The following DCT variants were observed in gnomAD, a reference collection of about 807,000 sequenced individuals.
DCT encodes dopachrome tautomerase.
Under a neutral mutation model 53.0 loss-of-function variants are expected in DCT, and 47 were observed. The observed-to-expected ratio is 0.89, with a 90% CI of 0.70 to 1.13. The LOEUF (loss-of-function observed/expected upper bound fraction) is 1.13, where lower values mean the gene tolerates loss of function less well. DCT is among the 50% of genes most tolerant of loss of function. The probability of loss-of-function intolerance (pLI) is 0.00; values close to 1 mark genes in which losing one functional copy is unlikely to be tolerated. For missense variants in DCT, 669 were observed against 637.4 expected (o/e 1.05, Z -0.53); for synonymous variants, 244 against 237.0 (o/e 1.03, Z -0.27).
chr13:94,532,384 C>T, the DCT span, among the ~76,000 whole-genome samples: 1 of 152,212 alleles, frequency 6.6e-6, no homozygotes. Flanking sequence ...TTGGAACCAA[C>T]TCACATGTCC....
chr13:94,478,839 A>G, intron 1 of DCT, 122 bp downstream of exon 1: 1 of 967,492 alleles, frequency 1.0e-6, no homozygotes, highest in Admixed American at 2.7e-5. Context: ...GACCAAAACC[A>G]TCATTGGTTT....
chr13:94,481,936 T>G (rs540558347), upstream of DCT, among the ~76,000 whole-genome samples: 2 of 152,334 alleles, frequency 1.3e-5, no homozygotes, highest in Admixed American at 1.3e-4. Context: ...AAATCCGAGG[T>G]GCTTTGCATG....
chr13:94,465,253 G>A (rs1456691527), intron 4 of DCT, among the ~76,000 whole-genome samples: 3 of 152,206 alleles, frequency 2.0e-5, no homozygotes, highest in Admixed American at 1.3e-4. Flanking sequence ...CATGGGATAT[G>A]ATTGGTGCTT....
At chr13:94,501,634 C>CAGAG in the DCT span, among the ~76,000 whole-genome samples, 12,880 of 148,646 alleles carry the variant, frequency 0.087, 1,252 homozygotes, top group African/African-American at 0.24. Flanking sequence ...AAGACAGAGA[C>CAGAG]AGAGAGAGAG....
chr13:94,451,652 C>G (rs1432875277), intron 6 of DCT, among the ~76,000 whole-genome samples: 2 of 152,138 alleles, frequency 1.3e-5, no homozygotes, highest in African/African-American at 4.8e-5. Flanking sequence ...GGGGCCATCA[C>G]AGAATAGATG....
At chr13:94,444,629 G>C (rs1440084104) in intron 6 of DCT, among the ~76,000 whole-genome samples, 2 of 152,180 alleles carry the variant, frequency 1.3e-5, no homozygotes, top group Non-Finnish European at 2.9e-5. Flanking sequence ...GGAGTTCCTT[G>C]TTCCTTCCTG....
chr13:94,452,738 T>G (rs1380889936), intron 6 of DCT: 5 of 641,178 alleles, frequency 7.8e-6, no homozygotes, highest in African/African-American at 3.7e-5. Context: ...GATAAATCCA[T>G]GCAAAAGAAT....
chr13:94,485,913 A>G, the DCT span, among the ~76,000 whole-genome samples: 8 of 152,286 alleles, frequency 5.3e-5, no homozygotes, highest in South Asian at 1.7e-3. Flanking sequence ...GGTCTTTTTT[A>G]GTTCCTACGC....
the DCT span, among the ~76,000 whole-genome samples, chr13:94,499,600 T>C: frequency 3.3e-5 from 5 of 152,234 alleles, no homozygotes; most frequent in East Asian, 1.9e-4. Context: ...ATTTTAAACA[T>C]ACAAAACACC....
chr13:94,510,408 G>T, the DCT span, among the ~76,000 whole-genome samples: 3 of 127,652 alleles, frequency 2.4e-5, no homozygotes, highest in South Asian at 8.1e-4. Flanking sequence ...TTAAGCACTT[G>T]CATTGTGGTG....
the DCT span, among the ~76,000 whole-genome samples, chr13:94,532,629 C>A: frequency 2.6e-5 from 4 of 152,020 alleles, no homozygotes. Flanking sequence ...CACACCAGGG[C>A]CTGTCAGGGA....
At chr13:94,547,415 C>A in the DCT span, among the ~76,000 whole-genome samples, 1 of 152,014 alleles carries the variant, frequency 6.6e-6, no homozygotes, top group Admixed American at 6.6e-5. Context: ...CCGTGCCTGA[C>A]CCTGCTCTAA....
the DCT span, among the ~76,000 whole-genome samples, chr13:94,544,117 T>C: frequency 6.6e-6 from 1 of 152,130 alleles, no homozygotes; most frequent in African/African-American, 2.4e-5. Context: ...TTAGAGCTCA[T>C]GTTTCATTTT....
chr13:94,512,733 CAT>C, the DCT span, among the ~76,000 whole-genome samples: 4 of 139,722 alleles, frequency 2.9e-5, no homozygotes, highest in Middle Eastern at 0.011. Context: ...CACACACACA[CAT>C]ATATACATAC....
chr13:94,491,356 G>T, the DCT span, among the ~76,000 whole-genome samples: 1 of 152,180 alleles, frequency 6.6e-6, no homozygotes, highest in East Asian at 1.9e-4. Flanking sequence ...TGTGTTCAAG[G>T]CTCTGGGCCT....
chr13:94,547,358 C>T, the DCT span, among the ~76,000 whole-genome samples: 1 of 151,958 alleles, frequency 6.6e-6, no homozygotes, highest in Non-Finnish European at 1.5e-5. Flanking sequence ...CTCAAGTGAT[C>T]CGCCCACCTC....
the DCT span, among the ~76,000 whole-genome samples, chr13:94,487,896 G>A: frequency 6.6e-6 from 1 of 151,972 alleles, no homozygotes; most frequent in African/African-American, 2.4e-5. Flanking sequence ...TTGGTGGTAT[G>A]AATTGTTCTT....
At chr13:94,486,507 T>A in the DCT span, among the ~76,000 whole-genome samples, 1 of 152,156 alleles carries the variant, frequency 6.6e-6, no homozygotes, top group Non-Finnish European at 1.5e-5. Flanking sequence ...TATTAAGCCA[T>A]CAGCCTGCAT....
At chr13:94,517,113 G>A in the DCT span, among the ~76,000 whole-genome samples, 12 of 152,136 alleles carry the variant, frequency 7.9e-5, no homozygotes, top group Admixed American at 2.0e-4. Context: ...GAGGGTAAGC[G>A]AAGTAAGGGA....
Sources: gnomAD v4.1 joint callset for allele counts (sites outside exome capture counted in the v4.1 genomes callset) on GRCh38, gnomAD v4.1.1 for gene constraint, MANE v1.5 for transcripts, NCBI Gene and HGNC (gene_info 2026-07-23, HGNC 2026-07-21) for gene names.